MSH4: variants seen among roughly 807,000 people sequenced by gnomAD.
The protein encoded by MSH4 is mutS homolog 4, also known as mutS protein homolog 4.
In MSH4, 106 loss-of-function variants were observed where a neutral mutation model predicts 113.7. That is an observed-to-expected ratio of 0.93 (90% CI 0.80 to 1.10). The LOEUF (loss-of-function observed/expected upper bound fraction) is 1.10. MSH4 is among the 50% of genes least tolerant of loss of function. The pLI, the probability that MSH4 is intolerant of heterozygous loss-of-function variation, is 0.00. For missense variants in MSH4, 1,061 were observed against 1,093.7 expected, an observed-to-expected ratio of 0.97 and a Z score of 0.42; for synonymous variants, 368 against 380.2, an observed-to-expected ratio of 0.97 and a Z score of 0.37.
intron 17 of MSH4, among the ~76,000 whole-genome samples, chr1:75,894,030 T>A (rs1023678892): frequency 6.6e-6 from 1 of 152,012 alleles, no homozygotes; most frequent in Non-Finnish European, 1.5e-5. Context: ...CCTGGAAGAG[T>A]CCAAATGACA....
At chr1:75,869,230 GGA>G (rs1651656663) in intron 9 of MSH4, among the ~76,000 whole-genome samples, 1 of 152,148 alleles carries the variant, frequency 6.6e-6, no homozygotes, top group Non-Finnish European at 1.5e-5. Context: ...CCCCTGCCCT[GGA>G]GATCTGTGGA....
intron 3 of MSH4, among the ~76,000 whole-genome samples, chr1:75,807,402 T>C (rs1650093256): frequency 6.6e-6 from 1 of 152,198 alleles, no homozygotes; most frequent in Non-Finnish European, 1.5e-5. Flanking sequence ...CATCTTCAAA[T>C]TAATAATTTC....
intron 1 of MSH4, among the ~76,000 whole-genome samples, chr1:75,801,355 A>T (rs1159144829): frequency 1.3e-5 from 2 of 152,030 alleles, no homozygotes; most frequent in African/African-American, 4.8e-5. Flanking sequence ...ACCTGAGGCC[A>T]GGAGTTCATG....
intron 18 of MSH4, among the ~76,000 whole-genome samples, chr1:75,899,359 T>C (rs944748367): frequency 6.6e-6 from 1 of 152,164 alleles, no homozygotes. Context: ...CTTTTGTTCC[T>C]GATATCTCAG....
At chr1:75,888,635 CAT>C (rs796205569) in intron 15 of MSH4, among the ~76,000 whole-genome samples, 12 of 151,306 alleles carry the variant, frequency 7.9e-5, no homozygotes, top group African/African-American at 2.9e-4. Context: ...TTATTTTTGA[CAT>C]AATAATTGCA....
At chr1:75,823,627 T>C (rs1400327509) in intron 7 of MSH4, among the ~76,000 whole-genome samples, 3 of 152,066 alleles carry the variant, frequency 2.0e-5, no homozygotes, top group Non-Finnish European at 2.9e-5. Flanking sequence ...CCCTCCCCTT[T>C]CCCTCCACCC....
chr1:75,889,317 C>A lies in MSH4; in HGVS notation c.2174C>A (p.Thr725Asn). The A allele has an allele frequency of 6.5e-7, 1 of 1,540,258 alleles. No homozygotes were observed. Among genetic ancestry groups the A allele is most frequent in the Non-Finnish European group, 8.9e-7 (1 of 1,129,790 alleles). ...AAACAGATTTTTACAAGAATTAGTA[C>A]TGATGATGATATCGAAACAAATTCA... ...IAKQIFTRIS[T>N]DDDIETNSST... The change falls in exon 16 of 20, where the codon ACT becomes AAT. Residue 725 changes from threonine to asparagine, a missense_variant. Thr to Asn is a moderately conservative substitution (Grantham distance 65). Transcript: ENST00000263187.
At position 75,883,760 on chromosome 1, in the gene MSH4, C is replaced by T. The variant is rs777626863; in HGVS notation, c.2046C>T (p.Asn682=). 1 of 1,613,312 alleles carries T rather than the reference C, an allele frequency of 6.2e-7. No individual in the cohort carries two copies. Among genetic ancestry groups the T allele is most frequent in the African/African-American group, 1.3e-5 (1 of 74,980 alleles). Residue 682 remains asparagine (N), a synonymous_variant, in exon 15 of 20, where the codon AAC becomes AAT. Transcript: ENST00000263187. ...GSNFLIITGP[N]MSGKSTYLKQ... is the part of the protein sequence containing the mutation. Reference sequence around the variant, plus strand: ...ATTTTTTGATCATAACTGGACCAAACATGAGTGGAAAATCCACATATTTAA... The same window carrying T: ...ATTTTTTGATCATAACTGGACCAAATATGAGTGGAAAATCCACATATTTAA...
At chr1:75,825,780 AT>A (rs1197343359) in intron 7 of MSH4, among the ~76,000 whole-genome samples, 18 of 152,136 alleles carry the variant, frequency 1.2e-4, no homozygotes, top group Non-Finnish European at 2.5e-4. Flanking sequence ...TGATTTGCAT[AT>A]GTTGAACTAG....
chr1:75,900,084 CTCA>C (rs1557531045), intron 19 of MSH4, among the ~76,000 whole-genome samples: 8 of 151,946 alleles, frequency 5.3e-5, no homozygotes, highest in Non-Finnish European at 8.8e-5. Flanking sequence ...AGCTTTTCTA[CTCA>C]TCATATGTAA....
intron 15 of MSH4, among the ~76,000 whole-genome samples, chr1:75,885,261 A>G (rs964709189): frequency 7.1e-6 from 1 of 141,388 alleles, no homozygotes; most frequent in African/African-American, 2.6e-5. Context: ...TTATATATAT[A>G]AAATATGTAT....
chr1:75,836,082 G>A (rs1380065104), intron 7 of MSH4, among the ~76,000 whole-genome samples: 1 of 152,128 alleles, frequency 6.6e-6, no homozygotes, highest in African/African-American at 2.4e-5. Context: ...ACTGTATGGT[G>A]TGAAGATATG....
chr1:75,844,397 G>A (rs1056966381), intron 7 of MSH4, among the ~76,000 whole-genome samples: 12 of 152,120 alleles, frequency 7.9e-5, no homozygotes, highest in Admixed American at 2.6e-4. Context: ...CACAATCTTG[G>A]CTCACTGCAA....
At chr1:75,822,301 A>AT (rs1650437402) in intron 6 of MSH4, 108 bp from the exon 7 acceptor site, 1 of 730,216 alleles carries the variant, frequency 1.4e-6, no homozygotes, top group Non-Finnish European at 2.1e-6. Flanking sequence ...AAAAAAAAAA[A>AT]AAAAAGAATC....
intron 15 of MSH4, among the ~76,000 whole-genome samples, chr1:75,885,053 G>GTATATGTATGTATGTATGTA (rs1440812710): frequency 9.6e-6 from 1 of 103,692 alleles, no homozygotes; most frequent in African/African-American, 3.9e-5. Context: ...GTGTGTGTGT[G>GTATATGTATGTATGTATGTA]TGTGTGTATA....
In MSH4 at chr1:75,878,206, G is replaced by A. The variant is rs1013691306; in HGVS notation, c.1428G>A (p.Met476Ile). Residue 476 changes from methionine to isoleucine, a missense_variant, in exon 11 of 20, where the codon ATG (methionine) becomes ATA (isoleucine). Coordinates refer to ENST00000263187, the MANE Select transcript of MSH4 (RefSeq NM_002440.4). ...KTVINDDARYMKGCLNMRTQK... is the reference protein window; with the variant it reads ...KTVINDDARYIKGCLNMRTQK... ...TAATTAATGATGATGCAAGATACATGAAAGGATGCCTAAACATGAGGACTC... is the reference window on the plus strand; with the variant it reads ...TAATTAATGATGATGCAAGATACATAAAAGGATGCCTAAACATGAGGACTC... 5 of 1,609,716 alleles carry A rather than the reference G, an allele frequency of 3.1e-6. No homozygotes were observed. The highest frequency in any genetic ancestry group is 4.2e-6 in the Non-Finnish European group (5 of 1,178,418).
intron 8 of MSH4, among the ~76,000 whole-genome samples, chr1:75,859,112 C>T (rs564512250): frequency 1.6e-4 from 24 of 152,216 alleles, no homozygotes; most frequent in African/African-American, 5.5e-4. Context: ...TGGTGATATC[C>T]ACTTTATCAT....
intron 15 of MSH4, among the ~76,000 whole-genome samples, chr1:75,885,059 G>GTGTATATATATATATATATA (rs1300289205): frequency 8.9e-5 from 10 of 112,544 alleles, no homozygotes; most frequent in African/African-American, 3.6e-4. Flanking sequence ...GTGTGTGTGT[G>GTGTATATATATATATATATA]TATATATATA....
chr1:75,858,858 A>T (rs1280297558), intron 8 of MSH4, among the ~76,000 whole-genome samples: 1 of 152,040 alleles, frequency 6.6e-6, no homozygotes, highest in Non-Finnish European at 1.5e-5. Context: ...TCCTCTTTGT[A>T]CCTCTGGTAG....
Sources: allele counts gnomAD v4.1 joint callset (sites outside exome capture counted in the v4.1 genomes callset), GRCh38; gene constraint gnomAD v4.1.1; transcripts MANE v1.5; gene names NCBI Gene and HGNC (gene_info 2026-07-23, HGNC 2026-07-21).